The following KCNB2 variants were observed in gnomAD, a reference collection of about 807,000 sequenced individuals.
The protein encoded by KCNB2 is delayed rectifier potassium channel protein.
KCNB2 carries 15 observed loss-of-function variants against 61.5 expected under a neutral mutation model. The ratio of observed to expected loss-of-function variants is 0.24; its 90% CI spans 0.16 to 0.38. KCNB2 has a LOEUF of 0.38. Ranked by LOEUF, KCNB2 falls within the 10% of genes least tolerant of loss-of-function variation. The pLI is 1.00. For synonymous variants in KCNB2, 457 were observed against 446.0 expected (o/e 1.02, Z -0.31); for missense variants, 828 against 1,125.2 (o/e 0.74, Z 3.78).
At position 72,597,517 on chromosome 8, in the gene KCNB2, T is replaced by G. The variant is rs904016805; in HGVS notation, c.579+29204T>G. ...CATTTTTTAAAAGTAAAAATATGGC[T>G]ACTCACTGGAAATACCATTCACCAT... On this transcript the variant is annotated intron_variant, in intron 2 of 2. Transcript: ENST00000523207. Among the ~76,000 whole-genome samples, 13 of 152,246 alleles carry G rather than the reference T, an allele frequency of 8.5e-5. 1 individual carries two copies. The highest frequency in any genetic ancestry group is 7.9e-4 in the Admixed American group (12 of 15,278).
intron 2 of KCNB2, among the ~76,000 whole-genome samples, chr8:72,776,395 T>G (rs989059035): frequency 2.6e-5 from 4 of 152,206 alleles, no homozygotes; most frequent in African/African-American, 2.4e-5. Flanking sequence ...GAACTTAAAG[T>G]ATAATTTTTA....
intron 2 of KCNB2, among the ~76,000 whole-genome samples, chr8:72,886,187 G>A (rs987896814): frequency 1.2e-4 from 18 of 151,904 alleles, no homozygotes; most frequent in Admixed American, 8.5e-4. Context: ...TCACTTCAAC[G>A]GCAGCCTGTG....
chr8:72,926,578 C>T (rs972771970), intron 2 of KCNB2, among the ~76,000 whole-genome samples: 1 of 152,058 alleles, frequency 6.6e-6, no homozygotes, highest in Non-Finnish European at 1.5e-5. Context: ...ATTAGCTTTT[C>T]TTAACATAAA....
rs1805929627 is a variant in KCNB2, at chr8:72,893,164, TG to T, written c.580-42770del. ...TGATTTGCTATTTATGAAGAGATTT[TG>T]TTTGCTTTTGTGATAGAGTTACCTG... On this transcript the variant is annotated intron_variant, in intron 2 of 2. Transcript: ENST00000523207. 2.6e-5 allele frequency among the ~76,000 whole-genome samples: 4 copies of T among 152,110 alleles called. No homozygotes were observed. The South Asian group carries it at 8.3e-4, about 32-fold the overall frequency.
At chr8:72,690,424 C>T (rs111449372) in intron 2 of KCNB2, among the ~76,000 whole-genome samples, 10 of 152,268 alleles carry the variant, frequency 6.6e-5, no homozygotes, top group African/African-American at 2.4e-4. Flanking sequence ...ATTGAGGATC[C>T]CTCCTTTAGG....
intron 2 of KCNB2, among the ~76,000 whole-genome samples, chr8:72,773,188 T>G (rs1220321863): frequency 2.6e-5 from 4 of 152,296 alleles, no homozygotes; most frequent in Middle Eastern, 3.4e-3. Context: ...ATCTGTCGTG[T>G]GAATTATTTG....
chr8:72,538,760 A>G (rs1313238180), intron 1 of KCNB2, among the ~76,000 whole-genome samples: 1 of 152,152 alleles, frequency 6.6e-6, no homozygotes, highest in African/African-American at 2.4e-5. Flanking sequence ...TCATTTTTGC[A>G]TTGATTAATT....
At chr8:72,740,624 T>C (rs1462750908) in intron 2 of KCNB2, among the ~76,000 whole-genome samples, 5 of 152,154 alleles carry the variant, frequency 3.3e-5, no homozygotes, top group Non-Finnish European at 5.9e-5. Context: ...AAGGCTTAGA[T>C]GGAGAAATAC....
At chr8:72,874,215 A>G (rs1026132294) in intron 2 of KCNB2, among the ~76,000 whole-genome samples, 1 of 152,174 alleles carries the variant, frequency 6.6e-6, no homozygotes, top group Non-Finnish European at 1.5e-5. Flanking sequence ...AATCTTTACC[A>G]TTACCAAAAT....
At chr8:72,808,546 T>C (rs998291708) in intron 2 of KCNB2, among the ~76,000 whole-genome samples, 1 of 152,214 alleles carries the variant, frequency 6.6e-6, no homozygotes, top group African/African-American at 2.4e-5. Flanking sequence ...ACCTTAAGTG[T>C]GATCTAGAAT....
chr8:72,590,497 TG>T (rs1003941321), intron 2 of KCNB2, among the ~76,000 whole-genome samples: 1 of 152,202 alleles, frequency 6.6e-6, no homozygotes, highest in African/African-American at 2.4e-5. Flanking sequence ...ATGACATACG[TG>T]CCACATGGCC....
At chr8:72,794,162 T>G (rs1401654759) in intron 2 of KCNB2, among the ~76,000 whole-genome samples, 1 of 152,166 alleles carries the variant, frequency 6.6e-6, no homozygotes, top group African/African-American at 2.4e-5. Context: ...TTGTCCTAGT[T>G]TGGAACAAGT....
In KCNB2 at chr8:72,936,770, C is replaced by T; in HGVS notation, c.1415C>T (p.Ala472Val). The T allele has an allele frequency of 6.2e-7, 1 of 1,614,138 alleles. No individual in the cohort carries two copies. The highest frequency in any genetic ancestry group is 8.5e-7 in the Non-Finnish European group (1 of 1,180,024). ...CTGATAGATGTGGCTGTTGAGAAGG[C>T]CGGAGAGTCCGCCAACACAAAGGAC... ...MELIDVAVEK[A>V]GESANTKDSA... The change falls in exon 3 of 3, where the codon GCC becomes GTC. Residue 472 changes from alanine to valine, a missense_variant. Ala to Val is a moderately conservative substitution (Grantham distance 64, BLOSUM62 0). Around this residue, in one of 4 missense-constraint regions of KCNB2, gnomAD observed 559 missense variants for 588.4 expected, o/e 0.95. Coordinates refer to ENST00000523207, the MANE Select transcript of KCNB2 (RefSeq NM_004770.3). This position sits in a 1 kb window ranked among gnomAD's most constrained non-coding sequence, Gnocchi z 5.6.
intron 2 of KCNB2, among the ~76,000 whole-genome samples, chr8:72,765,612 T>C (rs1466668788): frequency 6.6e-6 from 1 of 152,236 alleles, no homozygotes; most frequent in Admixed American, 6.5e-5. Context: ...ACTTTCAAGA[T>C]GATTGGGACC....
rs569450296 is a variant in KCNB2 at position 72,615,704 on chromosome 8, C to A, written c.579+47391C>A. 7.9e-5 allele frequency among the ~76,000 whole-genome samples: 12 copies of A among 152,254 alleles called. No individual in the cohort carries two copies. In the East Asian group the frequency reaches 2.3e-3, roughly 29 times the overall value. Reference sequence around the variant, plus strand: ...ATATTGTAGGCTGGAAACTTTGATACCTCTACTGTACTCTAGAATTTGGAA... The same window carrying A: ...ATATTGTAGGCTGGAAACTTTGATAACTCTACTGTACTCTAGAATTTGGAA... On this transcript the variant is annotated intron_variant, in intron 2 of 2. Transcript: ENST00000523207.
At chr8:72,808,455 C>T (rs762065464) in intron 2 of KCNB2, among the ~76,000 whole-genome samples, 2 of 152,150 alleles carry the variant, frequency 1.3e-5, no homozygotes, top group Admixed American at 6.5e-5. Flanking sequence ...TAATGGACAA[C>T]TCAGTAAATG....
intron 2 of KCNB2, among the ~76,000 whole-genome samples, chr8:72,830,920 C>CA (rs1165890385): frequency 6.6e-6 from 1 of 152,172 alleles, no homozygotes; most frequent in African/African-American, 2.4e-5. Context: ...TGTGGCTTCA[C>CA]AAAAAATCCC....
chr8:72,664,510 A>G (rs1016992081), intron 2 of KCNB2, among the ~76,000 whole-genome samples: 2 of 152,180 alleles, frequency 1.3e-5, no homozygotes, highest in African/African-American at 4.8e-5. Flanking sequence ...ATAAAATGCC[A>G]CCTCTACCAA....
chr8:72,758,426 A>G (rs1371746209), intron 2 of KCNB2, among the ~76,000 whole-genome samples: 4 of 152,234 alleles, frequency 2.6e-5, no homozygotes, highest in African/African-American at 7.2e-5. Flanking sequence ...GAAAAGACCA[A>G]GCCGAACAGG....
Sources: gnomAD v4.1 joint callset for allele counts (sites outside exome capture counted in the v4.1 genomes callset) on GRCh38, gnomAD v4.1.1 for gene constraint, gnomAD v4.1.1 regional missense constraint, Gnocchi (gnomAD v3.1) non-coding constraint, MANE v1.5 for transcripts, NCBI Gene and HGNC (gene_info 2026-07-23, HGNC 2026-07-21) for gene names.